The following KCTD5 variants were observed in gnomAD, a reference collection of about 807,000 sequenced individuals.
KCTD5 encodes BTB/POZ domain-containing protein KCTD5.
In KCTD5, 12 loss-of-function variants were observed where a neutral mutation model predicts 27.9. That is an observed-to-expected ratio of 0.43 (90% CI 0.28 to 0.70). The LOEUF (loss-of-function observed/expected upper bound fraction) is 0.70. Ranked by LOEUF, KCTD5 falls within the 30% of genes least tolerant of loss-of-function variation. The probability of loss-of-function intolerance (pLI) is 0.19; values close to 1 mark genes in which losing one functional copy is unlikely to be tolerated. For synonymous variants in KCTD5, 147 were observed against 121.4 expected, an observed-to-expected ratio of 1.21 and a Z score of -1.39; for missense variants, 226 against 274.8, an observed-to-expected ratio of 0.82 and a Z score of 1.26.
At chr16:2,684,936 TCAAA>T (rs963539180) in intron 1 of KCTD5, among the ~76,000 whole-genome samples, 2 of 152,108 alleles carry the variant, frequency 1.3e-5, no homozygotes, top group African/African-American at 2.4e-5. Context: ...AGACTCTGTC[TCAAA>T]CAAACAAAAA....
chr16:2,691,712 T>G (rs1268622557), intron 1 of KCTD5, among the ~76,000 whole-genome samples: 1 of 152,144 alleles, frequency 6.6e-6, no homozygotes, highest in Non-Finnish European at 1.5e-5. Flanking sequence ...TAGACGCAGC[T>G]GGGGTTCTCT....
intron 5 of KCTD5, among the ~76,000 whole-genome samples, chr16:2,705,471 G>A (rs1485177280): frequency 6.6e-6 from 1 of 152,158 alleles, no homozygotes; most frequent in Non-Finnish European, 1.5e-5. Context: ...TGGGGGCTGG[G>A]CAGGGAGTGC....
intron 4 of KCTD5, among the ~76,000 whole-genome samples, chr16:2,701,095 GT>G (rs1019247165): frequency 6.6e-6 from 1 of 152,226 alleles, no homozygotes; most frequent in African/African-American, 2.4e-5. Context: ...TGTGGCACCT[GT>G]GCTCTTCTGC....
chr16:2,699,136 C>G (rs759762302), intron 3 of KCTD5: 1 of 456,132 alleles, frequency 2.2e-6, no homozygotes, highest in South Asian at 1.5e-5. Context: ...AACCCCTTCT[C>G]ACTGCTGCGT....
intron 1 of KCTD5, among the ~76,000 whole-genome samples, chr16:2,687,765 C>G (rs970534674): frequency 6.6e-6 from 1 of 152,148 alleles, no homozygotes; most frequent in African/African-American, 2.4e-5. Flanking sequence ...CCCAGGTAAG[C>G]AGTCCCCAGG....
intron 5 of KCTD5, 50 bp downstream of exon 5, chr16:2,702,528 T>C (rs2067617008): frequency 1.3e-6 from 2 of 1,594,478 alleles, no homozygotes; most frequent in African/African-American, 1.3e-5. Flanking sequence ...TGGGGAAGGC[T>C]CTTGCCCTCT....
intron 1 of KCTD5, among the ~76,000 whole-genome samples, chr16:2,690,728 G>A (rs564066196): frequency 5.0e-4 from 76 of 152,362 alleles, no homozygotes; most frequent in African/African-American, 1.8e-3. Context: ...TCGTGTCATG[G>A]GGGCTTGGGC....
chr16:2,707,284 T>G lies in KCTD5; in HGVS notation c.676-14T>G. 1 of 1,613,036 alleles carries G rather than the reference T, an allele frequency of 6.2e-7. No individual in the cohort carries two copies. On this transcript the variant is annotated splice_polypyrimidine_tract_variant and intron_variant, in intron 5 of 5. Transcript: ENST00000301738. ...CAGCCCAAGTCCTCATTTTATGCAT[T>G]TGGTGTTTTTCAGATTTTGCAAGAA...
At position 2,707,588 on chromosome 16, in the gene KCTD5, G is replaced by C. The variant is rs1480623078; in HGVS notation, c.*261G>C. ...GGGGGCCTCGCTCTGTTTTTTCCAA[G>C]TGCCACGTGGGACTGAGGCAGACAC... On this transcript the variant is annotated 3_prime_UTR_variant, in exon 6 of 6. Transcript: ENST00000301738. The C allele has an allele frequency of 4.9e-6, 3 of 614,466 alleles. No homozygotes were observed. The Admixed American group carries it at 8.4e-5, about 17-fold the overall frequency. 38.1% of individuals were successfully genotyped at this position (614,466 alleles called of 1,614,324 possible). A position where few individuals can be genotyped will look rare whatever the true frequency, so the allele number is the denominator to read the frequency against.
chr16:2,688,715 T>C (rs2067553756), intron 1 of KCTD5, among the ~76,000 whole-genome samples: 1 of 102,396 alleles, frequency 9.8e-6, no homozygotes, highest in Non-Finnish European at 2.0e-5. Context: ...GTCCCCCTGC[T>C]GCCACCCAGA....
chr16:2,682,883 G>A (rs757950005), intron 1 of KCTD5, 83 bp downstream of exon 1: 46 of 1,448,806 alleles, frequency 3.2e-5, no homozygotes, highest in Non-Finnish European at 3.9e-5. Context: ...GTGCGGAGGA[G>A]ACTTCAGCGG....
rs975677250 is a variant in KCTD5 at position 2,707,730 on chromosome 16, T to A, written c.*403T>A. On this transcript the variant is annotated 3_prime_UTR_variant, in exon 6 of 6. Transcript: ENST00000301738. ...CAGGAAGCGGCCGCAGCCGCGTCAGTGTCCAGCACGTCGTGGCCTCTGGTC... is the reference window on the plus strand; with the variant it reads ...CAGGAAGCGGCCGCAGCCGCGTCAGAGTCCAGCACGTCGTGGCCTCTGGTC... 2.1e-6 allele frequency: 1 copy of A among 468,102 alleles called. No individual in the cohort carries two copies. The allele number at this position is 468,102 out of a possible 1,614,324, so 29.0% of individuals were successfully genotyped here. A position where few individuals can be genotyped will look rare whatever the true frequency, so the allele number is the denominator to read the frequency against.
At chr16:2,701,884 G>A (rs1482592472) in intron 4 of KCTD5, among the ~76,000 whole-genome samples, 4 of 152,190 alleles carry the variant, frequency 2.6e-5, no homozygotes, top group Admixed American at 6.5e-5. Flanking sequence ...AGTGGCCTAA[G>A]GGTGTGGCCA....
At chr16:2,702,032 C>G (rs2067614240) in intron 4 of KCTD5, among the ~76,000 whole-genome samples, 2 of 152,330 alleles carry the variant, frequency 1.3e-5, no homozygotes, top group South Asian at 4.1e-4. Flanking sequence ...CGCTGCCCCC[C>G]TCCCTCCGCC....
intron 1 of KCTD5, among the ~76,000 whole-genome samples, chr16:2,689,954 G>A (rs1335813939): frequency 2.0e-5 from 3 of 152,368 alleles, no homozygotes; most frequent in South Asian, 2.1e-4. Context: ...GGGATCACAG[G>A]CGTAAGCCAC....
chr16:2,691,594 G>T (rs1021630605), intron 1 of KCTD5, among the ~76,000 whole-genome samples: 1 of 152,222 alleles, frequency 6.6e-6, no homozygotes, highest in African/African-American at 2.4e-5. Context: ...GGGGCTCAGA[G>T]AATTGAACCA....
rs772886064 is a variant in KCTD5 at position 2,688,228 on chromosome 16, AATAT to A, written c.252+5443_252+5446del. Among the ~76,000 whole-genome samples, 559 of 84,578 alleles carry A rather than the reference AATAT, an allele frequency of 6.6e-3. 11 individuals carry two copies. Among genetic ancestry groups the A allele is most frequent in the African/African-American group, 0.022 (531 of 24,126 alleles). The allele number at this position is 84,578 out of a possible 152,430, so 55.5% of individuals were successfully genotyped here. On this transcript the variant is annotated intron_variant, in intron 1 of 5. Coordinates refer to ENST00000301738, the MANE Select transcript of KCTD5 (RefSeq NM_018992.4). The stretch of plus-strand genomic sequence containing the variant: ...TTATTATTAAATAAATAAATAAATA[AATAT>A]ATATATATATATATTTATTTATTTA...
In KCTD5 at chr16:2,706,305, C is replaced by G. The variant is rs529059597; in HGVS notation, c.676-993C>G. On this transcript the variant is annotated intron_variant, in intron 5 of 5. Transcript: ENST00000301738. ...CTCTCACCACTGCCCTCTCTCCGGT[C>G]AGTGCGGCATGGCAGTGACCTCTGG... is the stretch of plus-strand genomic sequence containing the variant. 1.8e-4 allele frequency among the ~76,000 whole-genome samples: 28 copies of G among 152,326 alleles called. No homozygotes were observed. In the South Asian group the frequency reaches 4.6e-3, roughly 25 times the overall value.
At chr16:2,704,293 C>G (rs996784116) in intron 5 of KCTD5, among the ~76,000 whole-genome samples, 1 of 152,222 alleles carries the variant, frequency 6.6e-6, no homozygotes, top group Non-Finnish European at 1.5e-5. Flanking sequence ...ATGGGGGCAC[C>G]CCTGGCTGGG....
Sources: allele counts gnomAD v4.1 joint callset (sites outside exome capture counted in the v4.1 genomes callset), GRCh38; gene constraint gnomAD v4.1.1; transcripts MANE v1.5; gene names NCBI Gene and HGNC (gene_info 2026-07-23, HGNC 2026-07-21).